The following EDIL3 variants were observed in gnomAD, a reference collection of about 807,000 sequenced individuals.
EDIL3 encodes EGF-like repeat and discoidin I-like domain-containing protein 3.
In EDIL3, 37 loss-of-function variants were observed where a neutral mutation model predicts 67.4. The observed-to-expected ratio is 0.55, with a 90% confidence interval of 0.42 to 0.72. The LOEUF (loss-of-function observed/expected upper bound fraction) is 0.72, where lower values mean the gene tolerates loss of function less well. Among genes scored for constraint, EDIL3 ranks in the 30% least tolerant of loss-of-function variants. EDIL3 has a pLI of 0.00. For synonymous variants in EDIL3, 195 were observed against 196.3 expected, an observed-to-expected ratio of 0.99 and a Z score of 0.05; for missense variants, 527 against 586.3, an observed-to-expected ratio of 0.90 and a Z score of 1.04.
chr5:84,084,001 ATC>A (rs138102808), intron 6 of EDIL3, among the ~76,000 whole-genome samples: 2,200 of 152,304 alleles, frequency 0.014, 48 homozygotes, highest in African/African-American at 0.05. Flanking sequence ...AATTGTGGTC[ATC>A]TCTGCTTCCT....
At chr5:84,217,344 A>AT (rs568558150) in intron 3 of EDIL3, among the ~76,000 whole-genome samples, 181 of 152,188 alleles carry the variant, frequency 1.2e-3, no homozygotes, top group African/African-American at 4.1e-3. Flanking sequence ...TTGTGTTTAT[A>AT]TTTTTTCTGG....
intron 3 of EDIL3, among the ~76,000 whole-genome samples, chr5:84,198,659 T>C (rs1166691165): frequency 6.6e-6 from 1 of 152,078 alleles, no homozygotes; most frequent in Non-Finnish European, 1.5e-5. Context: ...ATTAGCACCA[T>C]AGTTCTGGAA....
At chr5:84,332,298 G>C (rs1746888766) in intron 1 of EDIL3, among the ~76,000 whole-genome samples, 1 of 152,134 alleles carries the variant, frequency 6.6e-6, no homozygotes, top group African/African-American at 2.4e-5. Flanking sequence ...CTTGAGCGCG[G>C]GGGTTGGAAA....
rs761264780 is a variant in EDIL3, at chr5:84,064,729, C to T, written c.923G>A (p.Arg308Gln). Residue 308 changes from arginine (R) to glutamine (Q), a missense_variant, in exon 8 of 11, where the codon CGA becomes CAA. Transcript: ENST00000296591. The stretch of plus-strand genomic sequence containing the variant: ...CAGTTCACAGCCAAGAAGTTCCATT[C>T]GCAAAGTGCAATGTCTTCGACAAAC... ...PQVCRRHCTL[R>Q]MELLGCELSG... 20 of 1,612,778 alleles carry T rather than the reference C, an allele frequency of 1.2e-5. No homozygotes were observed. The highest frequency in any genetic ancestry group is 1.0e-4 in the Admixed American group (6 of 59,870).
At chr5:84,197,748 G>T (rs1025962765) in intron 3 of EDIL3, among the ~76,000 whole-genome samples, 7 of 151,996 alleles carry the variant, frequency 4.6e-5, no homozygotes, top group African/African-American at 1.7e-4. Context: ...ATCATGAAGT[G>T]CAAGAGGGGA....
rs116448517 is a variant in EDIL3, at chr5:84,099,057, C to T, written c.651+7592G>A. On this transcript the variant is annotated intron_variant, in intron 6 of 10. Coordinates refer to ENST00000296591, the MANE Select transcript of EDIL3 (RefSeq NM_005711.5). Reference sequence around the variant, plus strand: ...ATAACTTACAAGGGATGTGAAGGACCCTTTCAAGAAGAACTACAAACCACT... The same window carrying T: ...ATAACTTACAAGGGATGTGAAGGACTCTTTCAAGAAGAACTACAAACCACT... Among the ~76,000 whole-genome samples the T allele has an allele frequency of 3.4e-3, 513 of 152,068 alleles. 5 individuals carry two copies. Among genetic ancestry groups the T allele is most frequent in the African/African-American group, 0.011 (470 of 41,498 alleles).
At chr5:84,316,711 A>T (rs1746520369) in intron 1 of EDIL3, among the ~76,000 whole-genome samples, 1 of 152,100 alleles carries the variant, frequency 6.6e-6, no homozygotes, top group African/African-American at 2.4e-5. Flanking sequence ...CGAGACAGAA[A>T]ATTAACAAGG....
chr5:84,344,630 T>A (rs941290778), intron 1 of EDIL3, among the ~76,000 whole-genome samples: 10 of 152,118 alleles, frequency 6.6e-5, no homozygotes, highest in Non-Finnish European at 8.8e-5. Context: ...TACAAATATT[T>A]AGAATAAAAC....
At chr5:84,178,248 G>A (rs1360366941) in intron 4 of EDIL3, among the ~76,000 whole-genome samples, 1 of 152,156 alleles carries the variant, frequency 6.6e-6, no homozygotes, top group South Asian at 2.1e-4. Flanking sequence ...TACAGATTCT[G>A]ATTCAGTTGA....
At chr5:84,297,978 G>A (rs1208748257) in intron 1 of EDIL3, among the ~76,000 whole-genome samples, 2 of 152,010 alleles carry the variant, frequency 1.3e-5, no homozygotes, top group African/African-American at 4.8e-5. Context: ...ACAGAGCTTG[G>A]TGTTCCCAAA....
chr5:84,163,876 A>G (rs1049548726), intron 4 of EDIL3, among the ~76,000 whole-genome samples: 19 of 152,150 alleles, frequency 1.2e-4, no homozygotes, highest in African/African-American at 4.6e-4. Context: ...GTATGATGTC[A>G]TCAAATTCTA....
chr5:84,200,627 T>A (rs1743810543), intron 3 of EDIL3, among the ~76,000 whole-genome samples: 1 of 152,052 alleles, frequency 6.6e-6, no homozygotes, highest in Non-Finnish European at 1.5e-5. Context: ...CACAATTTTG[T>A]GATATATTAC....
At chr5:84,370,650 C>A (rs1360460220) in intron 1 of EDIL3, among the ~76,000 whole-genome samples, 2 of 152,056 alleles carry the variant, frequency 1.3e-5, no homozygotes, top group Non-Finnish European at 2.9e-5. Context: ...ATTTGGCAAC[C>A]ACAGATAAAA....
chr5:84,284,189 A>G (rs945331220), intron 1 of EDIL3, among the ~76,000 whole-genome samples: 2 of 152,010 alleles, frequency 1.3e-5, no homozygotes, highest in Non-Finnish European at 2.9e-5. Context: ...GGGTTGTTTA[A>G]TTTGTCTATT....
chr5:84,133,147 T>C (rs1430938164), intron 5 of EDIL3, among the ~76,000 whole-genome samples: 2 of 152,162 alleles, frequency 1.3e-5, no homozygotes, highest in Non-Finnish European at 2.9e-5. Flanking sequence ...TATTTTTAGA[T>C]TAGTTAACTA....
intron 5 of EDIL3, among the ~76,000 whole-genome samples, chr5:84,117,367 A>G (rs1747689988): frequency 6.6e-6 from 1 of 152,096 alleles, no homozygotes; most frequent in Non-Finnish European, 1.5e-5. Context: ...TGTAGTAAAA[A>G]CAATATACAG....
At chr5:84,293,116 T>A (rs1745962082) in intron 1 of EDIL3, among the ~76,000 whole-genome samples, 1 of 152,206 alleles carries the variant, frequency 6.6e-6, no homozygotes, top group East Asian at 1.9e-4. Flanking sequence ...TATTGTGACC[T>A]TCTAGGTGCA....
intron 6 of EDIL3, among the ~76,000 whole-genome samples, chr5:84,079,842 A>T (rs1746930475): frequency 6.6e-6 from 1 of 152,092 alleles, no homozygotes; most frequent in Non-Finnish European, 1.5e-5. Context: ...AGTTACAGGG[A>T]TTTGCAACTC....
At chr5:84,013,917 T>C (rs1580279447) in intron 9 of EDIL3, among the ~76,000 whole-genome samples, 1 of 152,296 alleles carries the variant, frequency 6.6e-6, no homozygotes, top group Middle Eastern at 3.4e-3. Flanking sequence ...TCATATAGAT[T>C]GAATTGTAGA....
Sources: gnomAD v4.1 joint callset for allele counts (sites outside exome capture counted in the v4.1 genomes callset) on GRCh38, gnomAD v4.1.1 for gene constraint, MANE v1.5 for transcripts, NCBI Gene and HGNC (gene_info 2026-07-23, HGNC 2026-07-21) for gene names.